WDPCP: variants seen among roughly 807,000 people sequenced by gnomAD.
WDPCP encodes WD repeat containing planar cell polarity effector.
WDPCP carries 71 observed loss-of-function variants against 93.1 expected under a neutral mutation model. That is an observed-to-expected ratio of 0.76 (90% confidence interval 0.63 to 0.93). WDPCP has a LOEUF of 0.93. WDPCP is among the 40% of genes least tolerant of loss of function. The pLI is 0.00. For synonymous variants in WDPCP, 315 were observed against 315.0 expected (o/e 1.00, Z 0.00); for missense variants, 844 against 887.4 (o/e 0.95, Z 0.62).
At position 63,669,181 on chromosome 2, in the gene WDPCP, A is replaced by C. The variant is rs1399857397; in HGVS notation, n.309-18343T>G. On this transcript the variant is annotated intron_variant and non_coding_transcript_variant, in intron 2 of 4. Transcript: ENST00000467687. Reference sequence around the variant, plus strand: ...GAAAGATTCGTCATTAGCTTCTCTGAACTCTACCCATTTTCTTTAGAAATC... The same window carrying C: ...GAAAGATTCGTCATTAGCTTCTCTGCACTCTACCCATTTTCTTTAGAAATC... Among the ~76,000 whole-genome samples, 2 of 152,218 alleles carry C rather than the reference A, an allele frequency of 1.3e-5. 1 individual carries two copies. The highest frequency in any genetic ancestry group is 2.9e-5 in the Non-Finnish European group (2 of 68,032).
chr2:63,575,469 A>ACT (rs760952950), intron 1 of WDPCP, among the ~76,000 whole-genome samples: 8,033 of 15,586 alleles, frequency 0.52, 2,067 homozygotes, highest in Middle Eastern at 0.64. Context: ...GTATATATGC[A>ACT]GTATATACAG....
intron 2 of WDPCP, among the ~76,000 whole-genome samples, chr2:63,720,831 A>G (rs1223659960): frequency 2.0e-5 from 3 of 152,240 alleles, no homozygotes; most frequent in Admixed American, 1.3e-4. Flanking sequence ...GGAACTAAAT[A>G]TTAACACAGC....
chr2:63,772,856 T>G (rs1291131082), intron 2 of WDPCP, among the ~76,000 whole-genome samples: 3 of 152,088 alleles, frequency 2.0e-5, no homozygotes, highest in Non-Finnish European at 4.4e-5. Flanking sequence ...TCTTATTACT[T>G]TGAAAGTTTT....
chr2:63,655,038 T>A (rs1710150516), intron 2 of WDPCP, among the ~76,000 whole-genome samples: 1 of 152,160 alleles, frequency 6.6e-6, no homozygotes, highest in Non-Finnish European at 1.5e-5. Flanking sequence ...GACTAGAGAA[T>A]CACTCACAGA....
chr2:63,480,663 T>C (rs374898225), intron 6 of WDPCP, among the ~76,000 whole-genome samples: 50 of 152,266 alleles, frequency 3.3e-4, no homozygotes, highest in African/African-American at 1.0e-3. Flanking sequence ...CAAATGGTGC[T>C]GGGATAATTG....
intron 6 of WDPCP, 37 bp from the exon 7 acceptor site, chr2:63,439,908 C>T (rs1575424475): frequency 6.6e-7 from 1 of 1,504,600 alleles, no homozygotes; most frequent in East Asian, 2.3e-5. Flanking sequence ...GGGAGGAAGA[C>T]ATGCTGTGAT....
At chr2:63,429,232 A>G (rs1251301230) in intron 9 of WDPCP, among the ~76,000 whole-genome samples, 1 of 152,168 alleles carries the variant, frequency 6.6e-6, no homozygotes, top group Non-Finnish European at 1.5e-5. Flanking sequence ...ACCTCAAACT[A>G]TAAATATCCT....
chr2:63,318,831 A>G (rs1364211560), intron 12 of WDPCP, among the ~76,000 whole-genome samples: 1 of 152,204 alleles, frequency 6.6e-6, no homozygotes, highest in Non-Finnish European at 1.5e-5. Context: ...TTAGTAGCAT[A>G]GTTATTCTGG....
intron 2 of WDPCP, among the ~76,000 whole-genome samples, chr2:63,655,249 C>T (rs1411676006): frequency 3.9e-5 from 6 of 152,164 alleles, no homozygotes; most frequent in Non-Finnish European, 5.9e-5. Flanking sequence ...GGCTTTTCAC[C>T]AAATGAGAAC....
At chr2:63,405,707 C>T (rs1248738344) in intron 9 of WDPCP, among the ~76,000 whole-genome samples, 1 of 151,984 alleles carries the variant, frequency 6.6e-6, no homozygotes, top group Non-Finnish European at 1.5e-5. Context: ...GAAAGGCTAT[C>T]TACCAACATG....
intron 13 of WDPCP, among the ~76,000 whole-genome samples, chr2:63,271,674 T>TA (rs1682665128): frequency 6.6e-6 from 1 of 152,202 alleles, no homozygotes; most frequent in Non-Finnish European, 1.5e-5. Flanking sequence ...AAGATAGGTC[T>TA]ACTCTGCCCA....
At chr2:63,183,222 AG>A (rs1674382048) in intron 14 of WDPCP, among the ~76,000 whole-genome samples, 1 of 151,450 alleles carries the variant, frequency 6.6e-6, no homozygotes, top group Admixed American at 6.6e-5. Flanking sequence ...GTGTGATGTT[AG>A]GTTGTTAATT....
intron 2 of WDPCP, among the ~76,000 whole-genome samples, chr2:63,672,608 C>T (rs1469034802): frequency 2.0e-5 from 3 of 151,794 alleles, no homozygotes; most frequent in African/African-American, 7.2e-5. Context: ...ATTTTAACTA[C>T]TTTATTTTTT....
chr2:63,353,301 G>C (rs756816643), intron 12 of WDPCP, among the ~76,000 whole-genome samples: 1 of 152,136 alleles, frequency 6.6e-6, no homozygotes, highest in South Asian at 2.1e-4. Flanking sequence ...AAGTAGCTGC[G>C]GCTCCAGCAA....
At chr2:63,192,550 TA>T (rs1206146238) in intron 14 of WDPCP, among the ~76,000 whole-genome samples, 2 of 152,210 alleles carry the variant, frequency 1.3e-5, no homozygotes, top group African/African-American at 2.4e-5. Context: ...CATTTGCAGA[TA>T]CAGAAACTGA....
intron 14 of WDPCP, among the ~76,000 whole-genome samples, chr2:63,221,585 C>A (rs903507761): frequency 1.3e-5 from 2 of 152,124 alleles, no homozygotes; most frequent in Non-Finnish European, 2.9e-5. Context: ...ACTTCTTGGA[C>A]GTTGTGGGTC....
chr2:63,214,969 A>G (rs1677187761), intron 14 of WDPCP, among the ~76,000 whole-genome samples: 1 of 152,218 alleles, frequency 6.6e-6, no homozygotes, highest in South Asian at 2.1e-4. Context: ...CAACAAAATA[A>G]AAGAGGACAC....
chr2:63,576,624 A>G (rs1575687360), intron 1 of WDPCP, among the ~76,000 whole-genome samples: 1 of 152,180 alleles, frequency 6.6e-6, no homozygotes, highest in South Asian at 2.1e-4. Context: ...AATAGTCATG[A>G]GAGAATCTAT....
At chr2:63,655,987 AC>A (rs1710161934) in intron 2 of WDPCP, among the ~76,000 whole-genome samples, 1 of 152,160 alleles carries the variant, frequency 6.6e-6, no homozygotes, top group Non-Finnish European at 1.5e-5. Context: ...AGGATTTCCT[AC>A]CCTTTAATAT....
Sources: allele counts gnomAD v4.1 joint callset (sites outside exome capture counted in the v4.1 genomes callset), GRCh38; gene constraint gnomAD v4.1.1; transcripts MANE v1.5; gene names NCBI Gene and HGNC (gene_info 2026-07-23, HGNC 2026-07-21).